The following TENM4 variants were observed in gnomAD, a reference collection of about 807,000 sequenced individuals.
The protein encoded by TENM4 is teneurin-4.
A neutral mutation model predicts 243.3 loss-of-function variants in TENM4; 82 were observed. The ratio of observed to expected loss-of-function variants is 0.34; its 90% CI spans 0.28 to 0.40. TENM4 has a LOEUF of 0.40. Ranked by LOEUF, TENM4 falls within the 10% of genes least tolerant of loss-of-function variation. The probability of loss-of-function intolerance (pLI) is 1.00; values close to 1 mark genes in which losing one functional copy is unlikely to be tolerated. For missense variants in TENM4, 3,138 were observed against 3,673.3 expected, an observed-to-expected ratio of 0.85 and a Z score of 3.77; for synonymous variants, 1,412 against 1,456.3, an observed-to-expected ratio of 0.97 and a Z score of 0.69.
chr11:79,341,436 C>T (rs1220266139), intron 1 of TENM4, among the ~76,000 whole-genome samples: 1 of 152,196 alleles, frequency 6.6e-6, no homozygotes, highest in Non-Finnish European at 1.5e-5. Context: ...TACTGCAATG[C>T]AGCTGGGCAG....
At chr11:79,183,601 C>T (rs1863326994) in intron 3 of TENM4, among the ~76,000 whole-genome samples, 2 of 152,142 alleles carry the variant, frequency 1.3e-5, no homozygotes, top group African/African-American at 2.4e-5. Flanking sequence ...AAATGTACCA[C>T]TCTGGTTTGG....
chr11:78,973,527 C>T (rs758570374), intron 6 of TENM4, among the ~76,000 whole-genome samples: 4 of 152,030 alleles, frequency 2.6e-5, no homozygotes, highest in Non-Finnish European at 5.9e-5. Flanking sequence ...CTTGATTTAT[C>T]TTTTTATTAC....
rs375312180 is a variant in TENM4, at chr11:79,267,353, C to G, written c.-265+30135G>C. Reference sequence around the variant, plus strand: ...CACTGTTCTGTGGAGGCCATTTACCCTGTTCAAATCCAAAGATGAATGTCC... The same window carrying G: ...CACTGTTCTGTGGAGGCCATTTACCGTGTTCAAATCCAAAGATGAATGTCC... On this transcript the variant is annotated intron_variant, in intron 2 of 33. Transcript: ENST00000278550. 3.3e-5 allele frequency among the ~76,000 whole-genome samples: 5 copies of G among 152,176 alleles called. No homozygotes were observed. In the East Asian group the frequency reaches 5.8e-4, roughly 18 times the overall value.
intron 5 of TENM4, among the ~76,000 whole-genome samples, chr11:79,067,622 GTCTTAGGAACTTAACTCCTAGGAA>G (rs1860297213): frequency 3.4e-4 from 1 of 2,906 alleles, no homozygotes; most frequent in South Asian, 6.2e-3. Context: ...GGACTAGGAT[GTCTTAGGAACTTAACTCCTAGGAA>G]AATGCAAGGT....
intron 9 of TENM4, among the ~76,000 whole-genome samples, chr11:78,879,418 G>A (rs1228019749): frequency 1.1e-4 from 16 of 149,150 alleles, no homozygotes; most frequent in East Asian, 4.1e-4. Context: ...GAGTGCCTCT[G>A]CCCGGCCGCC....
intron 4 of TENM4, among the ~76,000 whole-genome samples, chr11:79,095,844 T>G (rs1861063455): frequency 1.3e-5 from 2 of 152,208 alleles, no homozygotes; most frequent in African/African-American, 2.4e-5. Flanking sequence ...AGTTAATGCC[T>G]CACAGATAGT....
chr11:79,321,640 CAAAAA>C (rs60886884), intron 1 of TENM4, among the ~76,000 whole-genome samples: 1 of 82,214 alleles, frequency 1.2e-5, no homozygotes, highest in Non-Finnish European at 2.3e-5. Context: ...AGGAAATTAC[CAAAAA>C]AAAAAAAAAA....
chr11:79,325,041 C>G (rs760810159), intron 1 of TENM4, among the ~76,000 whole-genome samples: 6 of 152,162 alleles, frequency 3.9e-5, no homozygotes, highest in Non-Finnish European at 8.8e-5. Context: ...CTGAAAGGCT[C>G]TAGTGGCCCT....
intron 2 of TENM4, among the ~76,000 whole-genome samples, chr11:79,269,142 A>T (rs1855927644): frequency 6.6e-6 from 1 of 151,484 alleles, no homozygotes; most frequent in Admixed American, 6.5e-5. Context: ...TTTATATAAC[A>T]TAACTACTGT....
At chr11:79,433,647 T>C (rs143792003) in intron 1 of TENM4, among the ~76,000 whole-genome samples, 1 of 152,196 alleles carries the variant, frequency 6.6e-6, no homozygotes. Flanking sequence ...TGGGTGAGGC[T>C]ACAGTGATGC....
intron 6 of TENM4, among the ~76,000 whole-genome samples, chr11:78,919,234 A>C (rs1250605617): frequency 1.3e-5 from 2 of 152,296 alleles, no homozygotes; most frequent in East Asian, 3.9e-4. Flanking sequence ...CCCATAAAAC[A>C]TGTATTATTA....
chr11:79,210,361 C>A (rs981029306), intron 3 of TENM4, among the ~76,000 whole-genome samples: 1 of 152,182 alleles, frequency 6.6e-6, no homozygotes. Context: ...CTGCTGTGTG[C>A]ATGGGAACTG....
At chr11:79,203,307 G>A (rs72937312) in intron 3 of TENM4, among the ~76,000 whole-genome samples, 8,887 of 152,192 alleles carry the variant, frequency 0.058, 335 homozygotes, top group African/African-American at 0.1. Context: ...TATCCACAAG[G>A]ACAAGTGTTT....
rs373620336 is a variant in TENM4 at position 79,104,948 on chromosome 11, A to T, written c.-65-34939T>A. On this transcript the variant is annotated intron_variant, in intron 4 of 33. Coordinates refer to ENST00000278550, the MANE Select transcript of TENM4 (RefSeq NM_001098816.3). The stretch of plus-strand genomic sequence containing the variant: ...ACTGAACGGCTGCTTGGAGCTAGTG[A>T]CTTAGCCATTAGAGGTTTTAGTCAT... Among the ~76,000 whole-genome samples, 11 of 152,346 alleles carry T rather than the reference A, an allele frequency of 7.2e-5. No homozygotes were observed. The East Asian group carries it at 2.1e-3, about 29-fold the overall frequency.
intron 9 of TENM4, among the ~76,000 whole-genome samples, chr11:78,865,304 C>T (rs1307021379): frequency 6.6e-6 from 1 of 152,180 alleles, no homozygotes; most frequent in Non-Finnish European, 1.5e-5. Context: ...GGTTAAATGG[C>T]TAACAGGTTG....
intron 6 of TENM4, among the ~76,000 whole-genome samples, chr11:78,959,833 T>TGG (rs1423897585): frequency 1.3e-5 from 2 of 152,162 alleles, no homozygotes; most frequent in African/African-American, 4.8e-5. Flanking sequence ...TTGCTCTTGT[T>TGG]CACTAATTTG....
chr11:79,387,057 C>G (rs514536), intron 1 of TENM4, among the ~76,000 whole-genome samples: 48,843 of 151,992 alleles, frequency 0.32, 7,754 homozygotes, highest in East Asian at 0.37. Context: ...AACGGCAATA[C>G]TATGCAGCAA....
intron 9 of TENM4, among the ~76,000 whole-genome samples, chr11:78,877,194 G>T (rs1316273635): frequency 6.7e-6 from 1 of 150,222 alleles, no homozygotes; most frequent in Non-Finnish European, 1.5e-5. Context: ...CTGATAGGAA[G>T]AAGCACTGAG....
Position 78,890,020 on chromosome 11 carries a change from C to T in TENM4, c.849G>A (p.Gly283=), listed in dbSNP as rs1855627722. 1 of 1,532,672 alleles carries T rather than the reference C, an allele frequency of 6.5e-7. No homozygotes were observed. Among genetic ancestry groups the T allele is most frequent in the Non-Finnish European group, 8.8e-7 (1 of 1,134,458 alleles). The allele number at this position is 1,532,672 out of a possible 1,614,324, so 94.9% of individuals were successfully genotyped here. A position where few individuals can be genotyped will look rare whatever the true frequency, so the allele number is the denominator to read the frequency against. ...ASRHDGAYSD[G]HFLFKPGGTS... ...TGCCTCCAGGCTTGAAGAGGAAGTG[C>T]CTGCAGATGGAGAGCAGCAAGAGGG... The change falls in exon 9 of 34, where the codon GGG becomes GGA. Residue 283 remains glycine, a splice_region_variant and synonymous_variant. Coordinates refer to ENST00000278550, the MANE Select transcript of TENM4 (RefSeq NM_001098816.3).
Sources: gnomAD v4.1 joint callset for allele counts (sites outside exome capture counted in the v4.1 genomes callset) on GRCh38, gnomAD v4.1.1 for gene constraint, MANE v1.5 for transcripts, NCBI Gene and HGNC (gene_info 2026-07-23, HGNC 2026-07-21) for gene names.